MMP16: variants seen among roughly 807,000 people sequenced by gnomAD.
The protein encoded by MMP16 is matrix metallopeptidase 16.
MMP16 carries 12 observed loss-of-function variants against 67.8 expected under a neutral mutation model. The ratio of observed to expected loss-of-function variants is 0.18; its 90% CI spans 0.11 to 0.29. The LOEUF is 0.29. MMP16 is among the 10% of genes least tolerant of loss of function. The pLI is 1.00. For missense variants in MMP16, 475 were observed against 765.7 expected (o/e 0.62, Z 4.48); for synonymous variants, 249 against 255.9 (o/e 0.97, Z 0.26).
At chr8:88,239,749 A>G (rs1451535913) in intron 1 of MMP16, among the ~76,000 whole-genome samples, 1 of 152,206 alleles carries the variant, frequency 6.6e-6, no homozygotes, top group African/African-American at 2.4e-5. Flanking sequence ...TTTTAACTGT[A>G]ATAACTTGTA....
chr8:88,071,202 T>C (rs949742903), intron 7 of MMP16, among the ~76,000 whole-genome samples: 1 of 152,078 alleles, frequency 6.6e-6, no homozygotes, highest in African/African-American at 2.4e-5. Flanking sequence ...TTTATAAAAG[T>C]TTGAATAAAT....
At chr8:88,188,654 A>ATT (rs1296976552) in intron 2 of MMP16, among the ~76,000 whole-genome samples, 2 of 141,340 alleles carry the variant, frequency 1.4e-5, no homozygotes, top group Non-Finnish European at 1.6e-5. Context: ...CAAAGAACAG[A>ATT]TTTTTTTTTT....
intron 6 of MMP16, among the ~76,000 whole-genome samples, chr8:88,110,154 T>C (rs912372376): frequency 4.0e-5 from 6 of 151,232 alleles, no homozygotes; most frequent in Non-Finnish European, 7.4e-5. Flanking sequence ...TATCCAAATA[T>C]ATGCTCAAAA....
chr8:88,237,315 C>T (rs944750680), intron 1 of MMP16, among the ~76,000 whole-genome samples: 5 of 152,194 alleles, frequency 3.3e-5, no homozygotes, highest in Non-Finnish European at 7.3e-5. Context: ...GCTTAAGTAA[C>T]AAGGCTGATT....
At chr8:88,050,695 G>C (rs1272027968) in intron 8 of MMP16, among the ~76,000 whole-genome samples, 3 of 152,150 alleles carry the variant, frequency 2.0e-5, no homozygotes, top group African/African-American at 4.8e-5. Context: ...TTTGAATGTG[G>C]TAGAATTGAA....
At chr8:88,144,372 T>A (rs1288964181) in intron 4 of MMP16, among the ~76,000 whole-genome samples, 3 of 151,876 alleles carry the variant, frequency 2.0e-5, no homozygotes, top group Non-Finnish European at 4.4e-5. Context: ...CTCTAAAAAA[T>A]AACCTAAATT....
intron 7 of MMP16, 125 bp from the exon 8 acceptor site, chr8:88,056,403 T>C: frequency 3.4e-6 from 1 of 295,684 alleles, no homozygotes; most frequent in Non-Finnish European, 5.6e-6. Flanking sequence ...AAATATATAT[T>C]ATATTAAATA....
At chr8:88,311,572 A>AT (rs1443039659) in intron 1 of MMP16, among the ~76,000 whole-genome samples, 52 of 152,280 alleles carry the variant, frequency 3.4e-4, no homozygotes, top group Non-Finnish European at 5.3e-4. Context: ...TTGTAAAATT[A>AT]TTTTTTCATA....
chr8:88,035,209 A>T lies in MMP16; in HGVS notation c.*6252T>A. On this transcript the variant is annotated 3_prime_UTR_variant, in exon 10 of 10. Coordinates refer to ENST00000286614, the MANE Select transcript of MMP16 (RefSeq NM_005941.5). This position sits in a 1 kb window ranked among gnomAD's most constrained non-coding sequence, Gnocchi z 4.7. Reference sequence around the variant, plus strand: ...TGAAGCTAAGTGACCTAACATAAGTATATTTCCGTATTTATATTTAATTGA... The same window carrying T: ...TGAAGCTAAGTGACCTAACATAAGTTTATTTCCGTATTTATATTTAATTGA... 8.6e-6 allele frequency: 1 copy of T among 116,504 alleles called. No homozygotes were observed. Among genetic ancestry groups the T allele is most frequent in the East Asian group, 2.0e-4 (1 of 5,022 alleles). The allele number at this position is 116,504 out of a possible 1,614,324, so 7.2% of individuals were successfully genotyped here.
chr8:88,304,463 TA>T (rs1366738234), intron 1 of MMP16, among the ~76,000 whole-genome samples: 4 of 152,104 alleles, frequency 2.6e-5, no homozygotes, highest in South Asian at 4.2e-4. Flanking sequence ...TAAGATACTC[TA>T]AAACAAGATC....
intron 3 of MMP16, among the ~76,000 whole-genome samples, chr8:88,179,701 C>T (rs1808948272): frequency 6.6e-6 from 1 of 152,066 alleles, no homozygotes; most frequent in African/African-American, 2.4e-5. Context: ...AAATTAGAAA[C>T]TCTGTTATAT....
chr8:88,098,493 G>A (rs1290271017), intron 6 of MMP16, among the ~76,000 whole-genome samples: 1 of 151,970 alleles, frequency 6.6e-6, no homozygotes, highest in African/African-American at 2.4e-5. Flanking sequence ...CAAACAGACT[G>A]TATCAAGTAT....
Position 88,174,220 on chromosome 8 carries a change from A to C in MMP16, c.405-6247T>G, listed in dbSNP as rs75119398. 6.4e-3 allele frequency among the ~76,000 whole-genome samples: 981 copies of C among 152,332 alleles called. 13 individuals are homozygous for C. Among genetic ancestry groups the C allele is most frequent in the African/African-American group, 0.023 (940 of 41,582 alleles). ...CAATATAGCACTATTATATTAACTA[A>C]TATATCATAAATACTCATATTCATC... On this transcript the variant is annotated intron_variant, in intron 3 of 9. Transcript: ENST00000286614.
chr8:88,212,086 T>G (rs2129820525), intron 1 of MMP16, among the ~76,000 whole-genome samples: 1 of 152,294 alleles, frequency 6.6e-6, no homozygotes, highest in African/African-American at 2.4e-5. Context: ...GTCCTAGTCT[T>G]CCTTGAAGTC....
chr8:88,157,267 T>C (rs930830393), intron 4 of MMP16, among the ~76,000 whole-genome samples: 3 of 152,088 alleles, frequency 2.0e-5, no homozygotes, highest in Non-Finnish European at 4.4e-5. Flanking sequence ...AATTACAGTA[T>C]AACCACTATT....
In MMP16 at chr8:88,313,520, A is replaced by G. The variant is rs181220784; in HGVS notation, c.132+13555T>C. Among the ~76,000 whole-genome samples, 14 of 152,280 alleles carry G rather than the reference A, an allele frequency of 9.2e-5. No individual in the cohort carries two copies. In the East Asian group the frequency reaches 2.7e-3, roughly 29 times the overall value. ...TATCACTCATTTGAGCAATTTGATT[A>G]TGCTGTGCCTTACTGTAGTTTTCTT... On this transcript the variant is annotated intron_variant, in intron 1 of 9. Coordinates refer to ENST00000286614, the MANE Select transcript of MMP16 (RefSeq NM_005941.5).
intron 1 of MMP16, among the ~76,000 whole-genome samples, chr8:88,294,259 T>C (rs184600266): frequency 3.6e-4 from 54 of 149,858 alleles, no homozygotes; most frequent in African/African-American, 1.3e-3. Context: ...TATATAGACA[T>C]GTGTGTATAT....
At chr8:88,046,531 A>G in intron 9 of MMP16, 138 bp downstream of exon 9, 1 of 406,518 alleles carries the variant, frequency 2.5e-6, no homozygotes, top group Non-Finnish European at 4.3e-6. Context: ...CTAGGAAAAA[A>G]AGTTCATATA....
intron 1 of MMP16, among the ~76,000 whole-genome samples, chr8:88,210,651 T>A (rs73288925): frequency 1.3e-5 from 2 of 152,136 alleles, no homozygotes; most frequent in Non-Finnish European, 2.9e-5. Context: ...CCCAGGCACA[T>A]CTGGGAAAGC....
Sources: allele counts gnomAD v4.1 joint callset (sites outside exome capture counted in the v4.1 genomes callset), GRCh38; gene constraint gnomAD v4.1.1; non-coding constraint Gnocchi (gnomAD v3.1); transcripts MANE v1.5; gene names NCBI Gene and HGNC (gene_info 2026-07-23, HGNC 2026-07-21).